Variants in BRAF observed in about 807,000 individuals in gnomAD.
BRAF encodes serine/threonine-protein kinase B-raf.
A neutral mutation model predicts 104.6 loss-of-function variants in BRAF; 16 were observed. The observed-to-expected ratio is 0.15, with a 90% CI of 0.10 to 0.23. The LOEUF (loss-of-function observed/expected upper bound fraction) is 0.23. BRAF is among the 10% of genes least tolerant of loss of function. The pLI is 1.00. For missense variants in BRAF, 541 were observed against 937.3 expected, an observed-to-expected ratio of 0.58 and a Z score of 5.52; for synonymous variants, 310 against 341.6, an observed-to-expected ratio of 0.91 and a Z score of 1.02.
intron 3 of BRAF, 112 bp downstream of exon 3, chr7:140,834,497 C>T: frequency 1.4e-6 from 2 of 1,402,474 alleles, no homozygotes; most frequent in East Asian, 2.3e-5. Flanking sequence ...GACATGGATG[C>T]CTCTATTTGC....
In BRAF at chr7:140,800,428, G is replaced by C. The variant is rs547693139; in HGVS notation, c.914C>G (p.Ala305Gly). ...FEHHPIPQEE[A>G]SLAETALTSG... ...TGTTAGGGCAGTCTCTGCTAAGGAC[G>C]CCTCTTCCTGTGGTATTGGGTGGTG... The change falls in exon 7 of 20, where the codon GCG becomes GGG. Residue 305 changes from alanine to glycine, a missense_variant. Physicochemically the swap from Ala to Gly is moderately conservative, Grantham distance 60. Transcript: ENST00000644969. The C allele has an allele frequency of 6.2e-7, 1 of 1,613,982 alleles. No homozygotes were observed. Among genetic ancestry groups the C allele is most frequent in the Non-Finnish European group, 8.5e-7 (1 of 1,180,014 alleles).
At chr7:140,903,904 G>T (rs1278671674) in intron 1 of BRAF, among the ~76,000 whole-genome samples, 2 of 152,208 alleles carry the variant, frequency 1.3e-5, no homozygotes, top group African/African-American at 4.8e-5. Flanking sequence ...AGATGTGACT[G>T]AATTGCTACA....
rs370332827 is a variant in BRAF, at chr7:140,734,786, GAAAA to G, written c.2248-20_2248-17del. 9.7e-6 allele frequency: 8 copies of G among 823,302 alleles called. No individual in the cohort carries two copies. In the Admixed American group the frequency reaches 4.0e-4, roughly 41 times the overall value. The allele number at this position is 823,302 out of a possible 1,614,324, so 51.0% of individuals were successfully genotyped here. A position where few individuals can be genotyped will look rare whatever the true frequency, so the allele number is the denominator to read the frequency against. ...AGGCGAGAATCTACAAAAAAAAAAA[GAAAA>G]AAAAAAGAAAAAAAAAGAAAAAAGA... On this transcript the variant is annotated splice_polypyrimidine_tract_variant and intron_variant, in intron 18 of 19. Transcript: ENST00000644969.
chr7:140,899,440 T>C (rs1436168506), intron 1 of BRAF, among the ~76,000 whole-genome samples: 3 of 152,100 alleles, frequency 2.0e-5, no homozygotes, highest in East Asian at 1.9e-4. Context: ...AAAGGATTTT[T>C]CCCCCCAATT....
chr7:140,861,428 T>C (rs1810403394), intron 1 of BRAF, among the ~76,000 whole-genome samples: 2 of 152,180 alleles, frequency 1.3e-5, no homozygotes, highest in Admixed American at 6.5e-5. Context: ...TTACTGGGTG[T>C]ATAGGTTTTC....
In BRAF at chr7:140,881,192, CAGAG is replaced by C. The variant is rs553487384; in HGVS notation, c.139-30984_139-30981del. On this transcript the variant is annotated intron_variant, in intron 1 of 19. Transcript: ENST00000644969. ...CATTGTTCCATTTACAGAGCACAGA[CAGAG>C]TAAATTTTGCAGAATTCCAAAGGGC... Among the ~76,000 whole-genome samples the C allele has an allele frequency of 6.4e-4, 98 of 152,244 alleles. 1 individual carries two copies. The South Asian group carries it at 0.02, about 31-fold the overall frequency.
chr7:140,806,450 A>G (rs1370472789), intron 5 of BRAF, among the ~76,000 whole-genome samples: 2 of 152,204 alleles, frequency 1.3e-5, no homozygotes, highest in Admixed American at 1.3e-4. Context: ...ACTGGCAGGT[A>G]TCCAACTGAG....
intron 17 of BRAF, chr7:140,747,465 G>A: frequency 8.0e-7 from 1 of 1,248,204 alleles, no homozygotes; most frequent in Non-Finnish European, 1.1e-6. Flanking sequence ...GCCAAGAAGT[G>A]GATGAGAGAA....
chr7:140,754,633 T>C (rs1798053756), intron 14 of BRAF, among the ~76,000 whole-genome samples: 1 of 152,182 alleles, frequency 6.6e-6, no homozygotes, highest in Admixed American at 6.5e-5. Context: ...CACCTATTCA[T>C]ATCCATCCTT....
chr7:140,792,764 T>C (rs553821989), intron 8 of BRAF, among the ~76,000 whole-genome samples: 2 of 152,256 alleles, frequency 1.3e-5, no homozygotes, highest in African/African-American at 2.4e-5. Flanking sequence ...TAATTCCCAA[T>C]TGCCTAACAC....
intron 1 of BRAF, among the ~76,000 whole-genome samples, chr7:140,893,663 TAAC>T (rs1563021878): frequency 6.6e-6 from 1 of 151,814 alleles, no homozygotes; most frequent in African/African-American, 2.4e-5. Context: ...GGAGAAACGT[TAAC>T]AACCCCACCC....
At chr7:140,857,632 TAAC>T in intron 1 of BRAF, among the ~76,000 whole-genome samples, 1 of 152,204 alleles carries the variant, frequency 6.6e-6, no homozygotes, top group African/African-American at 2.4e-5. Context: ...TTACACAAAG[TAAC>T]AACAACACAA....
chr7:140,770,222 G>A (rs191484297), intron 14 of BRAF, among the ~76,000 whole-genome samples: 22 of 151,194 alleles, frequency 1.5e-4, no homozygotes, highest in African/African-American at 2.2e-4. Context: ...AATATTCTTC[G>A]GCCACTTAGA....
Position 140,834,788 on chromosome 7 carries a change from A to T in BRAF, c.325T>A (p.Phe109Ile), listed in dbSNP as rs397507460. The change falls in exon 3 of 20, where the codon TTT becomes ATT. Residue 109 changes from phenylalanine (F) to isoleucine (I), a missense_variant. Physicochemically the swap from Phe to Ile is conservative, Grantham distance 21. This residue lies in a region of BRAF where 86 missense variants were observed against 133.9 expected (regional missense o/e 0.64). Coordinates refer to ENST00000644969, the MANE Select transcript of BRAF (RefSeq NM_001374258.1). ...LLESLGNGTD[F>I]SVSSSASMDT... is the part of the protein sequence containing the mutation. ...ATTGATGCAGAGCTAGAAACAGAAA[A>T]ATCAGTTCCGTTCCCCAGAGATTCC... The T allele has an allele frequency of 3.1e-6, 5 of 1,614,168 alleles. No homozygotes were observed. Among genetic ancestry groups the T allele is most frequent in the Non-Finnish European group, 4.2e-6 (5 of 1,180,014 alleles).
intron 12 of BRAF, 113 bp downstream of exon 11, chr7:140,781,463 A>G: frequency 9.2e-7 from 1 of 1,082,632 alleles, no homozygotes; most frequent in South Asian, 1.3e-5. Flanking sequence ...TAATCAAAAT[A>G]GTTTATTGAT....
At position 140,850,100 on chromosome 7, in the gene BRAF, C is replaced by T. The variant is rs730880379; in HGVS notation, c.240+11G>A. On this transcript the variant is annotated intron_variant, in intron 2 of 19. Coordinates refer to ENST00000644969, the MANE Select transcript of BRAF (RefSeq NM_001374258.1). ...TTTCAAAATTACTAGATATGATACT[C>T]AAAAGCTTACCTCCAGATATATTGA... 7.1e-5 allele frequency: 112 copies of T among 1,576,476 alleles called. No homozygotes were observed. The highest frequency in any genetic ancestry group is 9.1e-5 in the Non-Finnish European group (105 of 1,148,756).
At chr7:140,750,018 T>C (rs796297918) in intron 16 of BRAF, among the ~76,000 whole-genome samples, 12 of 152,280 alleles carry the variant, frequency 7.9e-5, no homozygotes, top group African/African-American at 2.9e-4. Context: ...TAGTAAAAGA[T>C]GGTATAAAGA....
downstream of BRAF, chr7:140,719,266 C>T: frequency 1.4e-6 from 1 of 709,424 alleles, no homozygotes; most frequent in Non-Finnish European, 1.7e-6. Context: ...TCTAGAAAAA[C>T]TGTTAAAACT....
intron 14 of BRAF, among the ~76,000 whole-genome samples, chr7:140,765,588 C>CA (rs1165652883): frequency 2.0e-5 from 3 of 151,804 alleles, no homozygotes; most frequent in African/African-American, 7.3e-5. Context: ...ACAAAGAACT[C>CA]AAACAAATTT....
Sources: gnomAD v4.1 joint callset for allele counts (sites outside exome capture counted in the v4.1 genomes callset) on GRCh38, gnomAD v4.1.1 for gene constraint, gnomAD v4.1.1 regional missense constraint, MANE v1.5 for transcripts, NCBI Gene and HGNC (gene_info 2026-07-23, HGNC 2026-07-21) for gene names.